The following ZNF44 variants were observed in gnomAD, a reference collection of about 807,000 sequenced individuals.
ZNF44 encodes zinc finger protein 44.
ZNF44 carries 9 observed loss-of-function variants against 11.7 expected under a neutral mutation model. That is an observed-to-expected ratio of 0.77 (90% CI 0.46 to 1.35). The LOEUF (loss-of-function observed/expected upper bound fraction) is 1.35. Ranked by LOEUF, ZNF44 falls within the 40% of genes most tolerant of loss-of-function variation. ZNF44 has a pLI of 0.00. For missense variants in ZNF44, 696 were observed against 743.1 expected, an observed-to-expected ratio of 0.94 and a Z score of 0.74; for synonymous variants, 224 against 242.7, an observed-to-expected ratio of 0.92 and a Z score of 0.72.
intron 5 of ZNF44, among the ~76,000 whole-genome samples, chr19:12,255,091 AACAC>A (rs140940065): frequency 0.19 from 27,016 of 145,484 alleles, 2,895 homozygotes; most frequent in African/African-American, 0.32. Flanking sequence ...TCCGTCTCAA[AACAC>A]ACACACACAC....
At chr19:12,285,757 G>A (rs1339071072) in intron 1 of ZNF44, among the ~76,000 whole-genome samples, 1 of 152,056 alleles carries the variant, frequency 6.6e-6, no homozygotes, top group African/African-American at 2.4e-5. Context: ...GGTGGCTCAC[G>A]CCTGTAATCC....
chr19:12,244,167 G>A (rs749186460), downstream of ZNF44, among the ~76,000 whole-genome samples: 10 of 152,034 alleles, frequency 6.6e-5, no homozygotes, highest in Non-Finnish European at 1.5e-4. Context: ...GCACCACTAT[G>A]CCCAGCTAAT....
rs191151616 is a variant in ZNF44 at position 12,294,812 on chromosome 19, A to G, written c.-118T>C. 155 of 1,256,904 alleles carry G rather than the reference A, an allele frequency of 1.2e-4. No individual in the cohort carries two copies. Among genetic ancestry groups the G allele is most frequent in the Non-Finnish European group, 1.6e-4 (149 of 930,942 alleles). The allele number at this position is 1,256,904 out of a possible 1,614,324, so 77.9% of individuals were successfully genotyped here. ...CTCTCAGTGACAGAATACGGAACAGAGGTCACCAGGGTGAAGAGGCCACTA... is the reference window on the plus strand; with the variant it reads ...CTCTCAGTGACAGAATACGGAACAGGGGTCACCAGGGTGAAGAGGCCACTA... On this transcript the variant is annotated 5_prime_UTR_variant, in exon 1 of 4. Coordinates refer to ENST00000355684, the MANE Select transcript of ZNF44 (RefSeq NM_016264.4).
intron 1 of ZNF44, chr19:12,293,162 G>A (rs758667411): frequency 1.7e-5 from 25 of 1,483,866 alleles, no homozygotes; most frequent in Admixed American, 6.4e-5. Flanking sequence ...GAGCCACCGC[G>A]CCCAGCCCAG....
chr19:12,272,461 A>G lies in ZNF44; in HGVS notation c.1794T>C (p.Ser598=). Residue 598 remains serine (S), a synonymous_variant, in exon 4 of 4, where the codon AGT becomes AGC. Coordinates refer to ENST00000355684, the MANE Select transcript of ZNF44 (RefSeq NM_016264.4). ...TATGTCTATTAAAGGAACTGAGAGA[A>G]CTGAAGGCTTTCCCACATTCCTTAC... The part of the protein sequence containing the change: ...YECKECGKAF[S]SLSSFNRHKR... The G allele has an allele frequency of 6.3e-7, 1 of 1,595,678 alleles. No individual in the cohort carries two copies. The highest frequency in any genetic ancestry group is 1.1e-5 in the South Asian group (1 of 87,968).
intron 1 of ZNF44, among the ~76,000 whole-genome samples, chr19:12,279,053 T>C (rs113621097): frequency 2.3e-4 from 35 of 152,360 alleles, no homozygotes; most frequent in African/African-American, 8.4e-4. Flanking sequence ...TCTTCTTTTT[T>C]ACTTTTAGCT....
chr19:12,290,723 T>A (rs957004991), intron 1 of ZNF44, among the ~76,000 whole-genome samples: 2 of 145,438 alleles, frequency 1.4e-5, no homozygotes, highest in African/African-American at 5.1e-5. Flanking sequence ...AATAAATAAA[T>A]AAAAATAAAA....
chr19:12,294,682 G>A lies in ZNF44; in HGVS notation c.3+10C>T. ...GCCCTGCCTCAGGACGCCGGGCCCC[G>A]CACACTCACCATTTCCCGGCTGTGC... On this transcript the variant is annotated intron_variant, in intron 1 of 3. Transcript: ENST00000355684. 5 of 1,560,684 alleles carry A rather than the reference G, an allele frequency of 3.2e-6. No individual in the cohort carries two copies. The highest frequency in any genetic ancestry group is 1.9e-5 in the Admixed American group (1 of 52,786).
downstream of ZNF44, among the ~76,000 whole-genome samples, chr19:12,247,015 G>GTA (rs1021502602): frequency 5.3e-5 from 8 of 150,698 alleles, no homozygotes; most frequent in South Asian, 1.3e-3. Context: ...AAATATATAC[G>GTA]TATATATATA....
intron 1 of ZNF44, among the ~76,000 whole-genome samples, chr19:12,280,709 G>C (rs1023462111): frequency 1.4e-4 from 21 of 152,106 alleles, no homozygotes; most frequent in Admixed American, 1.4e-3. Flanking sequence ...TTTTTAAAAA[G>C]TATTTTAAAC....
At chr19:12,238,943 C>G (rs746286021), upstream of ZNF44, among the ~76,000 whole-genome samples, 2 of 152,212 alleles carry the variant, frequency 1.3e-5, no homozygotes, top group African/African-American at 2.4e-5. Context: ...GGGGATCAGT[C>G]TGTGAGTTCC....
chr19:12,267,104 G>A (rs902231885), downstream of ZNF44, among the ~76,000 whole-genome samples: 1 of 151,036 alleles, frequency 6.6e-6, no homozygotes, highest in Admixed American at 6.6e-5. Flanking sequence ...CAGTGGCGTG[G>A]CATGATCTCG....
At chr19:12,248,634 T>C (rs1916854786) in exon 8 of ZNF44, 1 of 1,310,724 alleles carries the variant, frequency 7.6e-7, no homozygotes, top group Non-Finnish European at 1.0e-6. Flanking sequence ...TTCTCCGCCA[T>C]GACTACCTTC....
chr19:12,228,144 C>T (rs557769566), intron 3 of ZNF44, among the ~76,000 whole-genome samples: 6 of 151,378 alleles, frequency 4.0e-5, no homozygotes, highest in Admixed American at 1.3e-4. Flanking sequence ...CCTGCCAAAA[C>T]GTGCTTAAAC....
chr19:12,282,688 G>A (rs1967533126), intron 1 of ZNF44, among the ~76,000 whole-genome samples: 1 of 152,118 alleles, frequency 6.6e-6, no homozygotes, highest in Admixed American at 6.5e-5. Flanking sequence ...CTCCCAAAGT[G>A]CTGGGATTAC....
intron 5 of ZNF44, among the ~76,000 whole-genome samples, chr19:12,254,247 T>C (rs1917149694): frequency 6.7e-6 from 1 of 150,112 alleles, no homozygotes; most frequent in Admixed American, 6.6e-5. Flanking sequence ...ACAATGACAA[T>C]ATAAAAATCA....
downstream of ZNF44, chr19:12,247,407 A>T (rs1916798967): frequency 5.3e-6 from 7 of 1,313,586 alleles, no homozygotes; most frequent in Non-Finnish European, 7.0e-6. Flanking sequence ...GCCTGTAAGG[A>T]AACTGAAGGG....
chr19:12,273,272 A>G lies in ZNF44; in HGVS notation c.983T>C (p.Met328Thr). Residue 328 changes from methionine (M) to threonine (T), a missense_variant, in exon 4 of 4, where the codon ATG becomes ACG. By Grantham distance (81) the Met-to-Thr change is moderately conservative. Transcript: ENST00000355684. ...AGGTCCATCTCCACTGTGCATTATC[A>G]TGTGTCTTTGAAAGCTTCCAAGATG... is the stretch of plus-strand genomic sequence containing the variant. ...FCHLGSFQRH[M>T]IMHSGDGPHK... 2 of 1,613,490 alleles carry G rather than the reference A, an allele frequency of 1.2e-6. No homozygotes were observed. The highest frequency in any genetic ancestry group is 1.7e-6 in the Non-Finnish European group (2 of 1,179,916).
rs144653996 is a variant in ZNF44 at position 12,277,428 on chromosome 19, T to C, written c.4-1346A>G. On this transcript the variant is annotated intron_variant, in intron 1 of 3. Transcript: ENST00000355684. ...TGTCAGCTTTCATGAATATCAATTA[T>C]ATTCCATAAATCTCAACAGCAGACA... is the stretch of plus-strand genomic sequence containing the variant. Among the ~76,000 whole-genome samples the C allele has an allele frequency of 2.0e-3, 310 of 152,346 alleles. 1 individual carries two copies. Among genetic ancestry groups the C allele is most frequent in the African/African-American group, 7.1e-3 (294 of 41,578 alleles).
Sources: allele counts gnomAD v4.1 joint callset (sites outside exome capture counted in the v4.1 genomes callset), GRCh38; gene constraint gnomAD v4.1.1; transcripts MANE v1.5; gene names NCBI Gene and HGNC (gene_info 2026-07-23, HGNC 2026-07-21).